Variants in CDA observed in about 807,000 individuals in gnomAD.
CDA encodes cytidine aminohydrolase.
CDA carries 7 observed loss-of-function variants against 15.0 expected under a neutral mutation model. The ratio of observed to expected loss-of-function variants is 0.47; its 90% CI spans 0.26 to 0.87. The LOEUF (loss-of-function observed/expected upper bound fraction) is 0.87, where lower values mean the gene tolerates loss of function less well. Ranked by LOEUF, CDA falls within the 40% of genes least tolerant of loss-of-function variation. The probability of loss-of-function intolerance (pLI) is 0.15; values close to 1 mark genes in which losing one functional copy is unlikely to be tolerated. For synonymous variants in CDA, 58 were observed against 73.0 expected (o/e 0.79, Z 1.05); for missense variants, 159 against 182.7 (o/e 0.87, Z 0.75).
chr1:20,603,338 C>T (rs2052664071), intron 1 of CDA, among the ~76,000 whole-genome samples: 1 of 152,164 alleles, frequency 6.6e-6, no homozygotes, highest in South Asian at 2.1e-4. Context: ...AGGCCCCAGG[C>T]AAACGGGCAA....
chr1:20,605,380 C>G (rs1395067560), intron 2 of CDA, among the ~76,000 whole-genome samples: 3 of 152,016 alleles, frequency 2.0e-5, no homozygotes, highest in African/African-American at 7.2e-5. Flanking sequence ...GGAACCTGAG[C>G]CAGGCGCGGT....
intron 3 of CDA, among the ~76,000 whole-genome samples, chr1:20,617,260 A>C (rs1394184047): frequency 6.6e-6 from 1 of 152,144 alleles, no homozygotes; most frequent in Non-Finnish European, 1.5e-5. Context: ...TCAAGAGACA[A>C]ATTTTTCTTT....
At chr1:20,596,756 CTTTTTT>C (rs61288769) in intron 1 of CDA, among the ~76,000 whole-genome samples, 3 of 101,118 alleles carry the variant, frequency 3.0e-5, no homozygotes, top group Non-Finnish European at 3.8e-5. Context: ...CTGTTGATGT[CTTTTTT>C]TTTTTTTTTT....
chr1:20,610,393 C>T (rs1430732913), intron 2 of CDA, among the ~76,000 whole-genome samples: 3 of 151,438 alleles, frequency 2.0e-5, no homozygotes, highest in Non-Finnish European at 4.4e-5. Context: ...CCTCTACCTC[C>T]CAGGTTCAAG....
chr1:20,609,107 A>G (rs891057386), intron 2 of CDA, among the ~76,000 whole-genome samples: 1 of 152,186 alleles, frequency 6.6e-6, no homozygotes, highest in Non-Finnish European at 1.5e-5. Flanking sequence ...AGTGGAATGC[A>G]TGCTTGCCCA....
intron 2 of CDA, among the ~76,000 whole-genome samples, chr1:20,612,487 C>G (rs2154532814): frequency 6.6e-6 from 1 of 152,108 alleles, no homozygotes; most frequent in South Asian, 2.1e-4. Context: ...ACGGTCTCCC[C>G]ACCCTGCACC....
At chr1:20,591,156 G>T (rs971960261) in intron 1 of CDA, among the ~76,000 whole-genome samples, 1 of 152,090 alleles carries the variant, frequency 6.6e-6, no homozygotes, top group East Asian at 1.9e-4. Context: ...TGGCTAACAC[G>T]GTGAAACTCC....
intron 3 of CDA, among the ~76,000 whole-genome samples, chr1:20,614,672 C>G (rs573226911): frequency 6.6e-6 from 1 of 152,128 alleles, no homozygotes; most frequent in African/African-American, 2.4e-5. Context: ...AGATTCAGAA[C>G]CAGCAAGTTC....
intron 2 of CDA, among the ~76,000 whole-genome samples, chr1:20,609,295 T>C (rs1468883606): frequency 6.6e-6 from 1 of 152,008 alleles, no homozygotes; most frequent in East Asian, 1.9e-4. Context: ...CCATCCTGCC[T>C]AACACGGTGA....
chr1:20,604,855 A>G, intron 1 of CDA, 73 bp from the exon 2 acceptor site: 1 of 1,032,118 alleles, frequency 9.7e-7, no homozygotes, highest in Non-Finnish European at 1.5e-6. Context: ...GGAATGGGGC[A>G]AACTTCTTAC....
intron 2 of CDA, among the ~76,000 whole-genome samples, chr1:20,608,166 G>A (rs2052711224): frequency 6.6e-6 from 1 of 152,182 alleles, no homozygotes; most frequent in South Asian, 2.1e-4. Flanking sequence ...TCAGTCTTGA[G>A]TGCTCTCTCT....
rs2101170445 is a variant in CDA at position 20,589,106 on chromosome 1, C to T, written c.-24C>T. On this transcript the variant is annotated 5_prime_UTR_variant, in exon 1 of 4. Transcript: ENST00000375071. The stretch of plus-strand genomic sequence containing the variant: ...GCCGGAGCTCCTGTTTCCCGCTGCT[C>T]TGCTGCCTGCCCGGGGTACCAACAT... 6.2e-7 allele frequency: 1 copy of T among 1,613,880 alleles called. No homozygotes were observed. Among genetic ancestry groups the T allele is most frequent in the Non-Finnish European group, 8.5e-7 (1 of 1,179,976 alleles).
chr1:20,589,536 G>A (rs180799185), intron 1 of CDA, among the ~76,000 whole-genome samples: 1 of 152,322 alleles, frequency 6.6e-6, no homozygotes, highest in East Asian at 1.9e-4. Flanking sequence ...GGCAGGAAGG[G>A]GAGGCCATAA....
At chr1:20,599,716 TC>T (rs796509648) in intron 1 of CDA, among the ~76,000 whole-genome samples, 11 of 150,154 alleles carry the variant, frequency 7.3e-5, no homozygotes, top group African/African-American at 2.7e-4. Flanking sequence ...AGGACCACTG[TC>T]ATACCTTGTT....
Position 20,605,501 on chromosome 1 carries a change from T to C in CDA, c.266+462T>C, listed in dbSNP as rs537443814. 1.7e-4 allele frequency among the ~76,000 whole-genome samples: 21 copies of C among 125,344 alleles called. 3 individuals are homozygous for C. The highest frequency in any genetic ancestry group is 1.5e-3 in the Admixed American group (20 of 12,910). The allele number at this position is 125,344 out of a possible 152,430, so 82.2% of individuals were successfully genotyped here. A position where few individuals can be genotyped will look rare whatever the true frequency, so the allele number is the denominator to read the frequency against. On this transcript the variant is annotated intron_variant, in intron 2 of 3. Transcript: ENST00000375071. ...AGTGAAACCCCGTCTCTACTAAAAA[T>C]ACAAAAAAATTAGCTGAGCGTGGTG...
At chr1:20,613,963 C>T (rs72553953) in intron 3 of CDA, 64 bp downstream of exon 3, 7 of 1,472,816 alleles carry the variant, frequency 4.8e-6, no homozygotes, top group Middle Eastern at 4.5e-4. Context: ...ATGGGAGCCA[C>T]GCCAAGTTGC....
intron 2 of CDA, among the ~76,000 whole-genome samples, chr1:20,606,553 C>G (rs1337672490): frequency 6.6e-6 from 1 of 152,052 alleles, no homozygotes; most frequent in Non-Finnish European, 1.5e-5. Flanking sequence ...TTTCCCTGTT[C>G]TCCACAAGCT....
intron 2 of CDA, among the ~76,000 whole-genome samples, chr1:20,607,778 G>A (rs1433881732): frequency 1.3e-5 from 2 of 152,178 alleles, no homozygotes; most frequent in Non-Finnish European, 2.9e-5. Context: ...CTCATGATTT[G>A]TTAAATTGAG....
intron 1 of CDA, among the ~76,000 whole-genome samples, chr1:20,595,308 G>A (rs1182448839): frequency 1.3e-5 from 2 of 151,760 alleles, no homozygotes; most frequent in Non-Finnish European, 2.9e-5. Context: ...AGCCTACCTT[G>A]GCTTAATTCT....
Sources: gnomAD v4.1 joint callset for allele counts (sites outside exome capture counted in the v4.1 genomes callset) on GRCh38, gnomAD v4.1.1 for gene constraint, MANE v1.5 for transcripts, NCBI Gene and HGNC (gene_info 2026-07-23, HGNC 2026-07-21) for gene names.